KCND2: variants seen among roughly 807,000 people sequenced by gnomAD.
KCND2 encodes the protein potassium voltage-gated channel subfamily D member 2, also known as A-type voltage-gated potassium channel KCND2.
Under a neutral mutation model 54.4 loss-of-function variants are expected in KCND2, and 16 were observed. That is an observed-to-expected ratio of 0.29 (90% CI 0.20 to 0.45). KCND2 has a LOEUF of 0.45. Among genes scored for constraint, KCND2 ranks in the 20% least tolerant of loss-of-function variants. KCND2 has a pLI of 1.00. For synonymous variants in KCND2, 317 were observed against 310.7 expected, an observed-to-expected ratio of 1.02 and a Z score of -0.21; for missense variants, 486 against 824.2, an observed-to-expected ratio of 0.59 and a Z score of 5.02.
intron 1 of KCND2, among the ~76,000 whole-genome samples, chr7:120,521,905 C>T (rs926474606): frequency 1.3e-5 from 2 of 152,104 alleles, no homozygotes; most frequent in Non-Finnish European, 2.9e-5. Flanking sequence ...GGAGTTGTGA[C>T]ATTTCTGGAT....
chr7:120,614,049 G>A (rs1443270974), intron 1 of KCND2, among the ~76,000 whole-genome samples: 3 of 143,854 alleles, frequency 2.1e-5, no homozygotes, highest in South Asian at 2.1e-4. Flanking sequence ...GTTTTGCTCT[G>A]TCTTCCAGGC....
chr7:120,364,148 G>A (rs1184787662), intron 1 of KCND2, among the ~76,000 whole-genome samples: 1 of 152,160 alleles, frequency 6.6e-6, no homozygotes, highest in East Asian at 1.9e-4. Context: ...ACCACTTTGA[G>A]TTGACTTACT....
At chr7:120,641,857 TA>T (rs78157203) in intron 1 of KCND2, among the ~76,000 whole-genome samples, 22,846 of 133,376 alleles carry the variant, frequency 0.17, 2,300 homozygotes, top group East Asian at 0.48. Flanking sequence ...AAAAAGATAA[TA>T]AAAAAAAAAG....
intron 1 of KCND2, among the ~76,000 whole-genome samples, chr7:120,443,426 A>T: frequency 6.6e-6 from 1 of 151,480 alleles, no homozygotes; most frequent in African/African-American, 2.4e-5. Flanking sequence ...TGGGTAAGAC[A>T]TTGGAGTCTC....
chr7:120,331,217 C>T (rs1034663978), intron 1 of KCND2, among the ~76,000 whole-genome samples: 4 of 151,988 alleles, frequency 2.6e-5, no homozygotes, highest in Non-Finnish European at 5.9e-5. Context: ...GAAAGATAGT[C>T]ATGTTGCCCA....
chr7:120,622,707 TCTCTCTCTCACACA>T (rs879725158), intron 1 of KCND2, among the ~76,000 whole-genome samples: 50 of 144,146 alleles, frequency 3.5e-4, no homozygotes, highest in African/African-American at 1.1e-3. Flanking sequence ...TCTCTCTCTC[TCTCTCTCTCACACA>T]CACACACACA....
At chr7:120,644,241 A>T (rs1381510364) in intron 1 of KCND2, among the ~76,000 whole-genome samples, 2 of 152,146 alleles carry the variant, frequency 1.3e-5, no homozygotes, top group Non-Finnish European at 2.9e-5. Context: ...AGTATGGAAG[A>T]TCCTCCATTT....
intron 1 of KCND2, among the ~76,000 whole-genome samples, chr7:120,648,580 G>A (rs1231200401): frequency 1.3e-5 from 2 of 152,198 alleles, no homozygotes; most frequent in African/African-American, 4.8e-5. Flanking sequence ...GCAAAGAAGT[G>A]AAAAGGATGC....
At chr7:120,361,176 T>G in intron 1 of KCND2, among the ~76,000 whole-genome samples, 1 of 152,068 alleles carries the variant, frequency 6.6e-6, no homozygotes, top group East Asian at 1.9e-4. Context: ...GGAAACAGAT[T>G]ACCATGTAAG....
chr7:120,475,806 T>A (rs1399435609), intron 1 of KCND2, among the ~76,000 whole-genome samples: 1 of 152,202 alleles, frequency 6.6e-6, no homozygotes, highest in Non-Finnish European at 1.5e-5. Context: ...AATATTACTC[T>A]TAACACAGAT....
At chr7:120,318,235 T>A (rs1484938907) in intron 1 of KCND2, among the ~76,000 whole-genome samples, 1 of 151,878 alleles carries the variant, frequency 6.6e-6, no homozygotes, top group Non-Finnish European at 1.5e-5. Context: ...AGAGTCAGAG[T>A]GGGTGTTGGG....
rs1801088313 is a variant in KCND2 at position 120,392,075 on chromosome 7, T to C, written c.1115+116328T>C. On this transcript the variant is annotated intron_variant, in intron 1 of 5. Transcript: ENST00000331113. Reference sequence around the variant, plus strand: ...TTTACATTTAAGTCTTTAATCCATCTTGAGTTAATTTTTGTATAAGATGTA... The same window carrying C: ...TTTACATTTAAGTCTTTAATCCATCCTGAGTTAATTTTTGTATAAGATGTA... Among the ~76,000 whole-genome samples, 4 of 152,148 alleles carry C rather than the reference T, an allele frequency of 2.6e-5. No individual in the cohort carries two copies. In the South Asian group the frequency reaches 8.3e-4, roughly 31 times the overall value.
chr7:120,471,517 A>G (rs918993127), intron 1 of KCND2, among the ~76,000 whole-genome samples: 1 of 152,126 alleles, frequency 6.6e-6, no homozygotes, highest in African/African-American at 2.4e-5. Context: ...ATTGCAGGCA[A>G]GGTATATACC....
At chr7:120,375,019 T>G (rs1800817366) in intron 1 of KCND2, among the ~76,000 whole-genome samples, 1 of 151,898 alleles carries the variant, frequency 6.6e-6, no homozygotes, top group South Asian at 2.1e-4. Flanking sequence ...CTTGGGCTTC[T>G]TTAACAGAGA....
chr7:120,670,055 A>G (rs1352312661), intron 1 of KCND2, among the ~76,000 whole-genome samples: 2 of 152,108 alleles, frequency 1.3e-5, no homozygotes, highest in African/African-American at 4.8e-5. Context: ...GGAACAGTGT[A>G]CACTGCTCAG....
chr7:120,512,890 G>A (rs982012569), intron 1 of KCND2, among the ~76,000 whole-genome samples: 2 of 151,446 alleles, frequency 1.3e-5, no homozygotes, highest in South Asian at 4.2e-4. Context: ...CAGCTCCTGG[G>A]ATCAAGACAT....
chr7:120,723,585 G>A (rs1049292966), intron 1 of KCND2, among the ~76,000 whole-genome samples: 6 of 152,158 alleles, frequency 3.9e-5, no homozygotes, highest in African/African-American at 1.4e-4. Context: ...GAGCATGGTG[G>A]TGCATGCCTA....
intron 1 of KCND2, among the ~76,000 whole-genome samples, chr7:120,605,445 T>C (rs1437590270): frequency 6.6e-6 from 1 of 152,248 alleles, no homozygotes; most frequent in Non-Finnish European, 1.5e-5. Flanking sequence ...TGTATGAATA[T>C]ACCACATTTT....
intron 1 of KCND2, among the ~76,000 whole-genome samples, chr7:120,469,035 A>G (rs929910514): frequency 2.6e-5 from 4 of 151,214 alleles, no homozygotes; most frequent in Non-Finnish European, 5.9e-5. Context: ...ACACACACAC[A>G]CACAACACAG....
Sources: gnomAD v4.1 joint callset for allele counts (sites outside exome capture counted in the v4.1 genomes callset) on GRCh38, gnomAD v4.1.1 for gene constraint, MANE v1.5 for transcripts, NCBI Gene and HGNC (gene_info 2026-07-23, HGNC 2026-07-21) for gene names.